Variants in RAB3GAP1 observed in about 807,000 individuals in gnomAD.
RAB3GAP1 encodes rab3 GTPase-activating protein catalytic subunit.
RAB3GAP1 carries 86 observed loss-of-function variants against 130.7 expected under a neutral mutation model. The observed-to-expected ratio is 0.66, with a 90% CI of 0.55 to 0.79. The LOEUF is 0.79. Among genes scored for constraint, RAB3GAP1 ranks in the 30% least tolerant of loss-of-function variants. RAB3GAP1 has a pLI of 0.00. For synonymous variants in RAB3GAP1, 367 were observed against 401.7 expected, an observed-to-expected ratio of 0.91 and a Z score of 1.03; for missense variants, 1,029 against 1,169.4, an observed-to-expected ratio of 0.88 and a Z score of 1.75.
chr2:135,126,546 A>G (rs750650840), intron 10 of RAB3GAP1, 37 bp from the exon 11 acceptor site: 1 of 1,531,392 alleles, frequency 6.5e-7, no homozygotes, highest in Non-Finnish European at 9.1e-7. Flanking sequence ...GCAGATTGTC[A>G]TAATTAGGAT....
At chr2:135,106,346 T>G (rs970486332) in intron 5 of RAB3GAP1, among the ~76,000 whole-genome samples, 2 of 152,170 alleles carry the variant, frequency 1.3e-5, no homozygotes, top group Admixed American at 1.3e-4. Flanking sequence ...GATAGAGAAA[T>G]CAGATTGTTG....
chr2:135,162,377 T>C (rs868350296), intron 19 of RAB3GAP1, 178 bp from the exon 20 acceptor site: 19 of 650,924 alleles, frequency 2.9e-5, no homozygotes, highest in Middle Eastern at 3.0e-4. Context: ...TTATTAAAGA[T>C]TGAAGTTCTT....
chr2:135,067,061 T>C (rs999231905), intron 3 of RAB3GAP1, among the ~76,000 whole-genome samples: 1 of 152,240 alleles, frequency 6.6e-6, no homozygotes, highest in Non-Finnish European at 1.5e-5. Flanking sequence ...ATTTGAATTA[T>C]AAATTTTCTC....
chr2:135,062,657 T>C (rs780040696), intron 3 of RAB3GAP1, among the ~76,000 whole-genome samples: 5 of 152,254 alleles, frequency 3.3e-5, no homozygotes, highest in Non-Finnish European at 7.3e-5. Context: ...GTTCTAGTCA[T>C]GAACATGGCA....
chr2:135,157,242 C>T (rs1026732605), intron 19 of RAB3GAP1, among the ~76,000 whole-genome samples: 2 of 152,132 alleles, frequency 1.3e-5, no homozygotes, highest in East Asian at 1.9e-4. Context: ...TGATCTCAAA[C>T]TCCTGGCCTG....
At chr2:135,084,585 A>T (rs1265171142) in intron 3 of RAB3GAP1, among the ~76,000 whole-genome samples, 1 of 152,160 alleles carries the variant, frequency 6.6e-6, no homozygotes. Flanking sequence ...TTGCTATTTC[A>T]GCTTGTTAGA....
At chr2:135,149,859 G>C (rs1012183056) in intron 17 of RAB3GAP1, among the ~76,000 whole-genome samples, 1 of 152,012 alleles carries the variant, frequency 6.6e-6, no homozygotes, top group African/African-American at 2.4e-5. Context: ...GGGTTTCACC[G>C]TGTTAGCCAG....
chr2:135,086,165 GATT>G (rs1689976568), intron 3 of RAB3GAP1, among the ~76,000 whole-genome samples: 1 of 152,072 alleles, frequency 6.6e-6, no homozygotes, highest in Non-Finnish European at 1.5e-5. Flanking sequence ...TCCATTTCTG[GATT>G]ATTATTATCA....
chr2:135,096,446 G>A (rs1052246331), intron 5 of RAB3GAP1, among the ~76,000 whole-genome samples: 2 of 152,138 alleles, frequency 1.3e-5, no homozygotes, highest in Admixed American at 6.5e-5. Context: ...TCCTCTTTTA[G>A]TATGACCTTT....
chr2:135,089,124 C>G (rs1690066897), intron 3 of RAB3GAP1, among the ~76,000 whole-genome samples: 1 of 150,944 alleles, frequency 6.6e-6, no homozygotes, highest in Non-Finnish European at 1.5e-5. Flanking sequence ...GCCAGTTTTC[C>G]CAGCACGATT....
intron 5 of RAB3GAP1, among the ~76,000 whole-genome samples, chr2:135,106,068 C>A (rs1295620004): frequency 1.3e-5 from 2 of 152,104 alleles, no homozygotes; most frequent in Admixed American, 1.3e-4. Context: ...AGGAGCGTCT[C>A]GGCCCGGCAG....
chr2:135,170,818 G>A (rs1327341731), downstream of RAB3GAP1: 1 of 152,150 alleles, frequency 6.6e-6, no homozygotes, highest in Admixed American at 6.5e-5. Context: ...GGGAAAGCAT[G>A]GGGGGCGTAT....
chr2:135,092,721 A>G (rs1429589250), intron 4 of RAB3GAP1, among the ~76,000 whole-genome samples: 2 of 152,214 alleles, frequency 1.3e-5, no homozygotes, highest in Non-Finnish European at 2.9e-5. Context: ...TACAGGCGTG[A>G]ATCACTGTGC....
chr2:135,076,183 C>T (rs528998264), intron 3 of RAB3GAP1, among the ~76,000 whole-genome samples: 1 of 152,292 alleles, frequency 6.6e-6, no homozygotes, highest in African/African-American at 2.4e-5. Flanking sequence ...GCTGGGATTA[C>T]AGGCGTGAGC....
chr2:135,122,145 T>C (rs1691223019), intron 8 of RAB3GAP1, among the ~76,000 whole-genome samples: 2 of 152,170 alleles, frequency 1.3e-5, no homozygotes, highest in African/African-American at 4.8e-5. Flanking sequence ...TTGGCAGTTA[T>C]ATGTACTACT....
At chr2:135,113,099 T>C in intron 5 of RAB3GAP1, 52 bp from the exon 6 acceptor site, 1 of 1,612,424 alleles carries the variant, frequency 6.2e-7, no homozygotes, top group Non-Finnish European at 8.5e-7. Flanking sequence ...AAGTAATGGA[T>C]TTTTGTGTTC....
At chr2:135,142,122 A>G (rs1208430467) in intron 17 of RAB3GAP1, among the ~76,000 whole-genome samples, 1 of 152,198 alleles carries the variant, frequency 6.6e-6, no homozygotes, top group Non-Finnish European at 1.5e-5. Flanking sequence ...GATTGCATTG[A>G]ATTTGTAGAT....
intron 19 of RAB3GAP1, among the ~76,000 whole-genome samples, chr2:135,156,168 AG>A (rs1180059240): frequency 6.6e-6 from 1 of 152,176 alleles, no homozygotes; most frequent in Non-Finnish European, 1.5e-5. Context: ...AAGTATAAAC[AG>A]ACAAATTTTC....
intron 4 of RAB3GAP1, 106 bp from the exon 5 acceptor site, chr2:135,093,509 A>G (rs1320396521): frequency 9.6e-6 from 8 of 831,236 alleles, no homozygotes; most frequent in African/African-American, 3.3e-5. Context: ...TTAAAGCAAT[A>G]TCAAAACTGC....
Sources: gnomAD v4.1 joint callset for allele counts (sites outside exome capture counted in the v4.1 genomes callset) on GRCh38, gnomAD v4.1.1 for gene constraint, MANE v1.5 for transcripts, NCBI Gene and HGNC (gene_info 2026-07-23, HGNC 2026-07-21) for gene names.